Variants in CACNA1I observed in about 807,000 individuals in gnomAD.
CACNA1I encodes voltage-dependent T-type calcium channel subunit alpha-1I.
A neutral mutation model predicts 201.6 loss-of-function variants in CACNA1I; 74 were observed. The observed-to-expected ratio is 0.37, with a 90% CI of 0.30 to 0.45. The LOEUF is 0.45. Among genes scored for constraint, CACNA1I ranks in the 20% least tolerant of loss-of-function variants. The pLI, the probability that CACNA1I is intolerant of heterozygous loss-of-function variation, is 1.00. For missense variants in CACNA1I, 2,346 were observed against 3,138.1 expected, an observed-to-expected ratio of 0.75 and a Z score of 6.03; for synonymous variants, 1,431 against 1,345.2, an observed-to-expected ratio of 1.06 and a Z score of -1.40.
In CACNA1I at chr22:39,661,269, G is replaced by A; in HGVS notation, c.2860G>A (p.Val954Ile). The change falls in exon 16 of 37, where the codon GTC becomes ATC. Residue 954 changes from valine to isoleucine, a missense_variant. Coordinates refer to ENST00000402142, the MANE Select transcript of CACNA1I (RefSeq NM_021096.4). ...LVALGSRKSS[V>I]MSLGRMSYDQ... is the part of the protein sequence containing the mutation. Reference sequence around the variant, plus strand: ...GGCCCTGGGCTCCCGAAAGAGCAGTGTCATGTCTCTAGGGAGGATGAGCTA... The same window carrying A: ...GGCCCTGGGCTCCCGAAAGAGCAGTATCATGTCTCTAGGGAGGATGAGCTA... 3.7e-6 allele frequency: 6 copies of A among 1,605,354 alleles called. No homozygotes were observed. Among genetic ancestry groups the A allele is most frequent in the East Asian group, 2.2e-5 (1 of 44,754 alleles).
At chr22:39,618,158 T>G (rs1336578364) in intron 3 of CACNA1I, among the ~76,000 whole-genome samples, 1 of 150,586 alleles carries the variant, frequency 6.6e-6, no homozygotes, top group Non-Finnish European at 1.5e-5. Context: ...TGACTTTTTT[T>G]GGAGGTGTGT....
At chr22:39,660,959 A>T in intron 15 of CACNA1I, 149 bp from the exon 16 acceptor site, 2 of 682,826 alleles carry the variant, frequency 2.9e-6, no homozygotes, top group Non-Finnish European at 5.2e-6. Context: ...GATGGGGTGC[A>T]ACCAGGAAGA....
Position 39,666,039 on chromosome 22 carries a change from C to G in CACNA1I, c.4104+33C>G, listed in dbSNP as rs1331983719. On this transcript the variant is annotated intron_variant, in intron 23 of 36. Transcript: ENST00000402142. This position sits in a 1 kb window ranked among gnomAD's most constrained non-coding sequence, Gnocchi z 4.1. ...CCACCGTCCTAGCCCTGATCAGACCCTCCCCTCTCTTGGATGCCAGTGGCT... is the reference window on the plus strand; with the variant it reads ...CCACCGTCCTAGCCCTGATCAGACCGTCCCCTCTCTTGGATGCCAGTGGCT... 1.2e-6 allele frequency: 2 copies of G among 1,600,496 alleles called. No homozygotes were observed. The highest frequency in any genetic ancestry group is 2.7e-5 in the African/African-American group (2 of 74,588).
At chr22:39,664,692 C>A (rs756574516) in intron 20 of CACNA1I, 47 bp from the exon 21 acceptor site, 1 of 646,898 alleles carries the variant, frequency 1.5e-6, no homozygotes, top group African/African-American at 1.9e-5. Context: ...CGCCCACCTG[C>A]CCGCCCCTCC....
intron 5 of CACNA1I, among the ~76,000 whole-genome samples, chr22:39,638,245 T>TG (rs1169363011): frequency 1.3e-5 from 2 of 152,154 alleles, no homozygotes; most frequent in Non-Finnish European, 2.9e-5. Flanking sequence ...TGGCCCCAGT[T>TG]GGGGTCAAGA....
At chr22:39,596,388 A>G (rs559720662) in intron 1 of CACNA1I, among the ~76,000 whole-genome samples, 12 of 4,586 alleles carry the variant, frequency 2.6e-3, no homozygotes, top group African/African-American at 8.9e-3. Context: ...GAGATGGGGG[A>G]GCAGGGCGGA....
intron 10 of CACNA1I, chr22:39,656,280 G>C (rs536478222): frequency 7.0e-6 from 3 of 429,438 alleles, no homozygotes; most frequent in African/African-American, 4.1e-5. Context: ...AGGTCCTTGC[G>C]GCTCCCCGTT....
chr22:39,645,496 C>T (rs944520073), intron 7 of CACNA1I, among the ~76,000 whole-genome samples: 2 of 152,126 alleles, frequency 1.3e-5, no homozygotes, highest in Non-Finnish European at 2.9e-5. Flanking sequence ...AGGCCTGGTG[C>T]AGGGAGGCTC....
At chr22:39,588,612 C>T (rs1932786929) in intron 1 of CACNA1I, among the ~76,000 whole-genome samples, 1 of 151,598 alleles carries the variant, frequency 6.6e-6, no homozygotes, top group Non-Finnish European at 1.5e-5. Context: ...GTCTCGATCT[C>T]CTGACCTCGT....
chr22:39,662,532 G>T (rs1569088629), intron 17 of CACNA1I, 97 bp downstream of exon 17: 1 of 974,258 alleles, frequency 1.0e-6, no homozygotes, highest in African/African-American at 1.7e-5. Flanking sequence ...CGGGCCCACG[G>T]GGGGCGTGGC....
intron 15 of CACNA1I, 67 bp from the exon 16 acceptor site, chr22:39,661,041 C>T (rs1934989694): frequency 7.9e-7 from 1 of 1,262,516 alleles, no homozygotes; most frequent in Non-Finnish European, 1.1e-6. Context: ...TGTCTCGTGG[C>T]TCCCTTGCTG....
chr22:39,571,034 G>A (rs1243267154), intron 1 of CACNA1I, 46 bp downstream of exon 1: 1 of 1,512,164 alleles, frequency 6.6e-7, no homozygotes, highest in South Asian at 1.1e-5. Context: ...AGGGGCTGAA[G>A]GGTGGGGGGC....
At chr22:39,585,137 G>T (rs1932699654) in intron 1 of CACNA1I, among the ~76,000 whole-genome samples, 2 of 152,174 alleles carry the variant, frequency 1.3e-5, no homozygotes, top group Middle Eastern at 3.4e-3. Context: ...TCGGCTCACC[G>T]CAACCTCTGC....
chr22:39,664,002 C>T (rs1322080976), intron 19 of CACNA1I, 89 bp from the exon 20 acceptor site: 7 of 1,520,560 alleles, frequency 4.6e-6, no homozygotes, highest in African/African-American at 1.4e-5. Context: ...GCAGCCTCTC[C>T]TCTACGAACC....
chr22:39,618,945 A>T (rs981522803), intron 3 of CACNA1I, among the ~76,000 whole-genome samples: 1 of 152,050 alleles, frequency 6.6e-6, no homozygotes, highest in Admixed American at 6.5e-5. Flanking sequence ...GGTGCAGGAG[A>T]TGTTCCTCCC....
At chr22:39,658,324 C>T in intron 11 of CACNA1I, 21 bp downstream of exon 11, 5 of 1,610,466 alleles carry the variant, frequency 3.1e-6, no homozygotes, top group Non-Finnish European at 4.2e-6. Context: ...CCCAACCCAC[C>T]CGGCAGCAGA....
In CACNA1I at chr22:39,571,849, TG is replaced by T. The variant is rs779464718; in HGVS notation, c.236+864del. On this transcript the variant is annotated intron_variant, in intron 1 of 36. Transcript: ENST00000402142. ...CTCCCCTGGGGTACTGTCAGATGAC[TG>T]GGATGGGGACCCTAGCACCTGGCAC... Among the ~76,000 whole-genome samples, 3 of 152,374 alleles carry T rather than the reference TG, an allele frequency of 2.0e-5. No homozygotes were observed. In the East Asian group the frequency reaches 5.8e-4, roughly 29 times the overall value.
Position 39,685,858 on chromosome 22 carries a change from C to A in CACNA1I, c.6125C>A (p.Pro2042His). ...LEDSLTLSDS[P>H]RRALGPPAPA... The stretch of plus-strand genomic sequence containing the variant: ...GACAGCCTGACCCTGAGCGACAGCC[C>A]CCGGCGTGCCCTGGGGCCGCCCGCG... The change falls in exon 37 of 37, where the codon CCC becomes CAC. Residue 2042 changes from proline (P) to histidine (H), a missense_variant. This residue lies in a region of CACNA1I where 441 missense variants were observed against 555.6 expected (regional missense o/e 0.79). Coordinates refer to ENST00000402142, the MANE Select transcript of CACNA1I (RefSeq NM_021096.4). The surrounding 1 kb of genome is among the most constrained non-coding windows in gnomAD (Gnocchi z 5.0). The A allele has an allele frequency of 6.8e-7, 1 of 1,475,206 alleles. No homozygotes were observed. Among genetic ancestry groups the A allele is most frequent in the East Asian group, 3.0e-5 (1 of 33,272 alleles). 91.4% of individuals were successfully genotyped at this position (1,475,206 alleles called of 1,614,324 possible).
intron 8 of CACNA1I, among the ~76,000 whole-genome samples, 192 bp downstream of exon 8, chr22:39,647,073 C>T (rs1353464282): frequency 2.6e-5 from 4 of 152,270 alleles, no homozygotes; most frequent in Admixed American, 6.5e-5. Flanking sequence ...TCAGAGCCTG[C>T]GCTGGGCCGG....
Sources: allele counts gnomAD v4.1 joint callset (sites outside exome capture counted in the v4.1 genomes callset), GRCh38; gene constraint gnomAD v4.1.1; regional missense constraint gnomAD v4.1.1; non-coding constraint Gnocchi (gnomAD v3.1); transcripts MANE v1.5; gene names NCBI Gene and HGNC (gene_info 2026-07-23, HGNC 2026-07-21).